TBC1D9B: variants seen among roughly 807,000 people sequenced by gnomAD.
TBC1D9B encodes the protein TBC1 domain family, member 9B (with GRAM domain).
In TBC1D9B, 87 loss-of-function variants were observed where a neutral mutation model predicts 121.1. The observed-to-expected ratio is 0.72, with a 90% CI of 0.60 to 0.86. The LOEUF (loss-of-function observed/expected upper bound fraction) is 0.86, where lower values mean the gene tolerates loss of function less well. Ranked by LOEUF, TBC1D9B falls within the 40% of genes least tolerant of loss-of-function variation. The pLI is 0.00. For synonymous variants in TBC1D9B, 668 were observed against 670.1 expected (o/e 1.00, Z 0.05); for missense variants, 1,540 against 1,628.6 (o/e 0.95, Z 0.94).
rs577863899 is a variant in TBC1D9B at position 179,904,351 on chromosome 5, A to C, written c.229+351T>G. On this transcript the variant is annotated intron_variant, in intron 2 of 20. Coordinates refer to ENST00000355235, the MANE Select transcript of TBC1D9B (RefSeq NM_015043.4). This position sits in a 1 kb window ranked among gnomAD's most constrained non-coding sequence, Gnocchi z 4.2. ...GCCATTCTCCTGCCTCAGCCTCCCG[A>C]GTAGCTGGGACTACAGGCCTCCGCC... Among the ~76,000 whole-genome samples, 371 of 150,370 alleles carry C rather than the reference A, an allele frequency of 2.5e-3. 1 individual carries two copies. Among genetic ancestry groups the C allele is most frequent in the African/African-American group, 8.9e-3 (361 of 40,620 alleles).
intron 7 of TBC1D9B, among the ~76,000 whole-genome samples, chr5:179,884,869 T>C (rs1205599336): frequency 1.3e-5 from 2 of 152,158 alleles, no homozygotes; most frequent in Non-Finnish European, 2.9e-5. Context: ...GCTGAGGAGT[T>C]ACTGTTTAAT....
At position 179,875,258 on chromosome 5, in the gene TBC1D9B, A is replaced by T; in HGVS notation, c.1901-71T>A. Reference sequence around the variant, plus strand: ...CTGGGTGGGCCCTCACCTGCAGCGTACGAGCCCTGGCCACTCCAGCCCTGC... The same window carrying T: ...CTGGGTGGGCCCTCACCTGCAGCGTTCGAGCCCTGGCCACTCCAGCCCTGC... On this transcript the variant is annotated intron_variant, in intron 11 of 20. Coordinates refer to ENST00000355235, the MANE Select transcript of TBC1D9B (RefSeq NM_015043.4). The surrounding 1 kb of genome is among the most constrained non-coding windows in gnomAD (Gnocchi z 4.5). 1.9e-6 allele frequency: 3 copies of T among 1,544,840 alleles called. No individual in the cohort carries two copies. The highest frequency in any genetic ancestry group is 2.6e-6 in the Non-Finnish European group (3 of 1,149,816).
At chr5:179,867,876 G>C (rs1270104093) in intron 17 of TBC1D9B, 27 bp from the exon 18 acceptor site, 1 of 1,504,936 alleles carries the variant, frequency 6.6e-7, no homozygotes. Flanking sequence ...GGCAGAGTGA[G>C]GGCAGGAGGA....
chr5:179,891,863 T>C lies in TBC1D9B; in HGVS notation c.837-277A>G, dbSNP rs1406799138. On this transcript the variant is annotated intron_variant, in intron 5 of 20. Coordinates refer to ENST00000355235, the MANE Select transcript of TBC1D9B (RefSeq NM_015043.4). This position sits in a 1 kb window ranked among gnomAD's most constrained non-coding sequence, Gnocchi z 4.3. ...CTTTGAAAAGGACACACCTAGATGC[T>C]GGCCTGGGCAATGTGCAACCCATCC... 1.3e-5 allele frequency among the ~76,000 whole-genome samples: 2 copies of C among 152,164 alleles called. No homozygotes were observed. Among genetic ancestry groups the C allele is most frequent in the Non-Finnish European group, 2.9e-5 (2 of 68,014 alleles).
intron 1 of TBC1D9B, among the ~76,000 whole-genome samples, chr5:179,906,103 G>A (rs1429977320): frequency 6.6e-6 from 1 of 152,184 alleles, no homozygotes; most frequent in African/African-American, 2.4e-5. Context: ...TAGCTATTCA[G>A]ATTCTTTAAT....
At chr5:179,886,560 G>A (rs992015719) in intron 7 of TBC1D9B, among the ~76,000 whole-genome samples, 4 of 152,156 alleles carry the variant, frequency 2.6e-5, no homozygotes, top group African/African-American at 7.2e-5. Flanking sequence ...CATTGATTCC[G>A]CCCACCCCTT....
chr5:179,882,637 A>G (rs1760573000), intron 7 of TBC1D9B, among the ~76,000 whole-genome samples: 1 of 152,170 alleles, frequency 6.6e-6, no homozygotes, highest in Non-Finnish European at 1.5e-5. Flanking sequence ...CTAGGTCAGG[A>G]GTTCGAGATC....
intron 7 of TBC1D9B, among the ~76,000 whole-genome samples, chr5:179,882,934 C>G (rs1453518523): frequency 2.0e-5 from 3 of 152,222 alleles, no homozygotes; most frequent in Non-Finnish European, 2.9e-5. Context: ...CCATTGCAAC[C>G]TCCTTCTCCC....
chr5:179,867,674 C>A (rs1169070950), intron 18 of TBC1D9B, 104 bp downstream of exon 18: 1 of 1,561,734 alleles, frequency 6.4e-7, no homozygotes, highest in Non-Finnish European at 8.8e-7. Context: ...GGCCTGCTCC[C>A]TGAGCCCAGG....
At chr5:179,905,163 GA>G (rs1246776547) in intron 1 of TBC1D9B, among the ~76,000 whole-genome samples, 1 of 152,154 alleles carries the variant, frequency 6.6e-6, no homozygotes, top group Non-Finnish European at 1.5e-5. Context: ...GCTTTAGACC[GA>G]GAAAGTACAG....
chr5:179,872,812 C>A (rs1760241208), intron 14 of TBC1D9B, 80 bp downstream of exon 14: 9 of 1,415,772 alleles, frequency 6.4e-6, no homozygotes, highest in South Asian at 1.2e-5. Context: ...GCGGTGGAGC[C>A]CTGTACCCAC....
chr5:179,896,687 T>G (rs1761025360), intron 3 of TBC1D9B, among the ~76,000 whole-genome samples: 1 of 151,988 alleles, frequency 6.6e-6, no homozygotes, highest in Non-Finnish European at 1.5e-5. Flanking sequence ...CATGCCCAGC[T>G]AATTTTTTAT....
intron 2 of TBC1D9B, among the ~76,000 whole-genome samples, chr5:179,901,545 G>T (rs1181551847): frequency 6.6e-6 from 1 of 152,206 alleles, no homozygotes; most frequent in Non-Finnish European, 1.5e-5. Flanking sequence ...AGCACTCTGG[G>T]AGGCTGAGGC....
chr5:179,899,131 C>T, intron 3 of TBC1D9B, 58 bp downstream of exon 3: 3 of 1,416,244 alleles, frequency 2.1e-6, no homozygotes, highest in South Asian at 1.2e-5. Flanking sequence ...TAGGATAATA[C>T]ACGAGAACAC....
chr5:179,878,342 A>G lies in TBC1D9B; in HGVS notation c.1749T>C (p.Tyr583=). The change falls in exon 10 of 21, where the codon TAT becomes TAC. Residue 583 remains tyrosine (Y), a synonymous_variant. Coordinates refer to ENST00000355235, the MANE Select transcript of TBC1D9B (RefSeq NM_015043.4). ...IAALRRVLTA[Y]AFRNPTIGYC... is the part of the protein sequence containing the mutation. ...AGCCGATGGTGGGGTTTCGGAAGGC[A>G]TAGGCAGTCAGCACCCGCCGGAGGG... 1 of 1,613,814 alleles carries G rather than the reference A, an allele frequency of 6.2e-7. No individual in the cohort carries two copies. The highest frequency in any genetic ancestry group is 8.5e-7 in the Non-Finnish European group (1 of 1,179,974).
In TBC1D9B at chr5:179,881,555, C is replaced by T. The variant is rs145182725; in HGVS notation, c.1255-1766G>A. ...TGCTAAGATTCATCCAGTTGTACAC[C>T]GTATGTTTACTTTTGGATATATATG... On this transcript the variant is annotated intron_variant, in intron 7 of 20. Transcript: ENST00000355235. 3.3e-3 allele frequency among the ~76,000 whole-genome samples: 499 copies of T among 152,228 alleles called. 3 individuals are homozygous for T. The highest frequency in any genetic ancestry group is 0.011 in the African/African-American group (437 of 41,508).
At chr5:179,869,119 CTGCTAACCTCAGA>C (rs1760108337) in intron 17 of TBC1D9B, 1 of 170,882 alleles carries the variant, frequency 5.9e-6, no homozygotes, top group Non-Finnish European at 1.3e-5. Flanking sequence ...CTGAGGGCAG[CTGCTAACCTCAGA>C]TGGCAAAGCG....
In TBC1D9B at chr5:179,904,200, C is replaced by G. The variant is rs557790107; in HGVS notation, c.229+502G>C. On this transcript the variant is annotated intron_variant, in intron 2 of 20. Transcript: ENST00000355235. The surrounding 1 kb of genome is among the most constrained non-coding windows in gnomAD (Gnocchi z 4.2). Reference sequence around the variant, plus strand: ...TGGGGCTGTCCTCTCCTGCCCTGTCCCCATGACCAGTGGAGCTGCCTTTTT... The same window carrying G: ...TGGGGCTGTCCTCTCCTGCCCTGTCGCCATGACCAGTGGAGCTGCCTTTTT... Among the ~76,000 whole-genome samples the G allele has an allele frequency of 6.6e-6, 1 of 150,708 alleles. No individual in the cohort carries two copies. Among genetic ancestry groups the G allele is most frequent in the Non-Finnish European group, 1.5e-5 (1 of 67,932 alleles).
intron 18 of TBC1D9B, 169 bp from the exon 19 acceptor site, chr5:179,866,057 C>T: frequency 1.5e-6 from 1 of 689,460 alleles, no homozygotes; most frequent in Non-Finnish European, 2.4e-6. Context: ...CCCAGCCCCG[C>T]CCTATGGCAC....
Sources: gnomAD v4.1 joint callset for allele counts (sites outside exome capture counted in the v4.1 genomes callset) on GRCh38, gnomAD v4.1.1 for gene constraint, Gnocchi (gnomAD v3.1) non-coding constraint, MANE v1.5 for transcripts, NCBI Gene and HGNC (gene_info 2026-07-23, HGNC 2026-07-21) for gene names.